The following TMEM108 variants were observed in gnomAD, a reference collection of about 807,000 sequenced individuals.
TMEM108 encodes transmembrane protein 108.
A neutral mutation model predicts 35.1 loss-of-function variants in TMEM108; 12 were observed. The observed-to-expected ratio is 0.34, with a 90% CI of 0.22 to 0.55. The LOEUF is 0.55. Among genes scored for constraint, TMEM108 ranks in the 20% least tolerant of loss-of-function variants. TMEM108 has a pLI of 0.89. For synonymous variants in TMEM108, 287 were observed against 308.6 expected (o/e 0.93, Z 0.73); for missense variants, 680 against 753.3 (o/e 0.90, Z 1.14).
Position 133,395,849 on chromosome 3 carries a change from CCT to C in TMEM108, c.1606-8_1606-7del. Reference sequence around the variant, plus strand: ...CTTCTCCAGCTCACTCCATCTCCTCCCTCTCTCTTCCCAGGACCAGCTCTCAG... The same window carrying C: ...CTTCTCCAGCTCACTCCATCTCCTCCCTCTCTTCCCAGGACCAGCTCTCAG... On this transcript the variant is annotated splice_polypyrimidine_tract_variant and intron_variant, in intron 5 of 5. Coordinates refer to ENST00000321871, the MANE Select transcript of TMEM108 (RefSeq NM_023943.4). The C allele has an allele frequency of 6.4e-7, 1 of 1,568,066 alleles. No individual in the cohort carries two copies. The highest frequency in any genetic ancestry group is 1.2e-5 in the South Asian group (1 of 82,986).
chr3:133,176,925 T>G (rs1327014340), intron 2 of TMEM108, among the ~76,000 whole-genome samples: 1 of 151,998 alleles, frequency 6.6e-6, no homozygotes, highest in Non-Finnish European at 1.5e-5. Context: ...CTAGCAAGAC[T>G]AATAAAGAAG....
chr3:133,266,155 C>CA (rs1173625378), intron 3 of TMEM108, among the ~76,000 whole-genome samples: 1 of 151,686 alleles, frequency 6.6e-6, no homozygotes, highest in Non-Finnish European at 1.5e-5. Context: ...ATTCTTCCTC[C>CA]ACCCAGCCTT....
intron 5 of TMEM108, among the ~76,000 whole-genome samples, 184 bp from the exon 6 acceptor site, chr3:133,395,680 C>G (rs1367256886): frequency 6.6e-6 from 1 of 152,126 alleles, no homozygotes; most frequent in Non-Finnish European, 1.5e-5. Context: ...TACACACACA[C>G]ACACAAATTA....
chr3:133,154,264 CT>C (rs1944844270), intron 2 of TMEM108, among the ~76,000 whole-genome samples: 2 of 151,918 alleles, frequency 1.3e-5, no homozygotes, highest in South Asian at 4.2e-4. Context: ...ATGGTGGTTT[CT>C]TTTGCTGTGC....
At chr3:133,176,708 G>C (rs1329049846) in intron 2 of TMEM108, among the ~76,000 whole-genome samples, 7 of 151,564 alleles carry the variant, frequency 4.6e-5, no homozygotes, top group Middle Eastern at 3.4e-3. Context: ...GCCCACAAGA[G>C]AAAGCAGGAA....
chr3:133,341,040 T>C lies in TMEM108; in HGVS notation c.41-38712T>C, dbSNP rs1045588479. ...CCCACTTCCACATTGTTATTCAACATAGCAGTGGAAGTCCTATCTAGAGCA... is the reference window on the plus strand; with the variant it reads ...CCCACTTCCACATTGTTATTCAACACAGCAGTGGAAGTCCTATCTAGAGCA... On this transcript the variant is annotated intron_variant, in intron 3 of 5. Coordinates refer to ENST00000321871, the MANE Select transcript of TMEM108 (RefSeq NM_023943.4). Among the ~76,000 whole-genome samples the C allele has an allele frequency of 3.3e-5, 5 of 151,910 alleles. No individual in the cohort carries two copies. The South Asian group carries it at 1.0e-3, about 32-fold the overall frequency.
chr3:133,351,126 A>G (rs538833291), intron 3 of TMEM108, among the ~76,000 whole-genome samples: 4 of 152,322 alleles, frequency 2.6e-5, no homozygotes, highest in Admixed American at 2.6e-4. Context: ...CTGTGGTCCT[A>G]GTGTGACCTT....
chr3:133,063,384 T>G (rs1943557712), intron 2 of TMEM108, among the ~76,000 whole-genome samples: 1 of 152,016 alleles, frequency 6.6e-6, no homozygotes, highest in Non-Finnish European at 1.5e-5. Flanking sequence ...GGAGGGACAG[T>G]GGTATAGATG....
intron 2 of TMEM108, among the ~76,000 whole-genome samples, chr3:133,128,850 T>C (rs891802198): frequency 1.3e-5 from 2 of 152,144 alleles, no homozygotes; most frequent in African/African-American, 2.4e-5. Context: ...AGGTTAAGCT[T>C]GAACCAAGTA....
At chr3:133,371,909 C>T (rs572013885) in intron 3 of TMEM108, among the ~76,000 whole-genome samples, 1 of 152,266 alleles carries the variant, frequency 6.6e-6, no homozygotes, top group East Asian at 1.9e-4. Flanking sequence ...GACAGGGAAA[C>T]AGACAAGACA....
At chr3:133,171,097 A>G (rs1039260288) in intron 2 of TMEM108, among the ~76,000 whole-genome samples, 2 of 152,118 alleles carry the variant, frequency 1.3e-5, no homozygotes, top group Admixed American at 1.3e-4. Context: ...TCTCTCTCTG[A>G]CATTTAGATA....
At chr3:133,270,856 C>T (rs1946761778) in intron 3 of TMEM108, among the ~76,000 whole-genome samples, 1 of 151,834 alleles carries the variant, frequency 6.6e-6, no homozygotes, top group Non-Finnish European at 1.5e-5. Flanking sequence ...CCTACCCCTC[C>T]AGGCTCACTA....
chr3:133,081,717 G>A (rs1943813570), intron 2 of TMEM108, among the ~76,000 whole-genome samples: 1 of 152,148 alleles, frequency 6.6e-6, no homozygotes, highest in African/African-American at 2.4e-5. Flanking sequence ...ACCAACATGG[G>A]ATTAGAAATG....
In TMEM108 at chr3:133,380,037, C is replaced by G. The variant is rs2072957876; in HGVS notation, c.326C>G (p.Ser109Cys). Reference sequence around the variant, plus strand: ...GCTGCGACAGTAACCGCCCCCCATTCTGAAAGCTCCCTGTCCACAGGGCCC... The same window carrying G: ...GCTGCGACAGTAACCGCCCCCCATTGTGAAAGCTCCCTGTCCACAGGGCCC... Reference protein sequence around the residue: ...TIAATVTAPHSESSLSTGPAP... With the variant: ...TIAATVTAPHCESSLSTGPAP... The change falls in exon 4 of 6, where the codon TCT becomes TGT. Residue 109 changes from serine (S) to cysteine (C), a missense_variant. By Grantham distance (112) the Ser-to-Cys change is moderately radical. Around this residue, in one of 3 missense-constraint regions of TMEM108, gnomAD observed 526 missense variants for 532.1 expected, o/e 0.99. Coordinates refer to ENST00000321871, the MANE Select transcript of TMEM108 (RefSeq NM_023943.4). The surrounding 1 kb of genome is among the most constrained non-coding windows in gnomAD (Gnocchi z 5.3). 6.2e-7 allele frequency: 1 copy of G among 1,614,022 alleles called. No homozygotes were observed. Among genetic ancestry groups the G allele is most frequent in the Non-Finnish European group, 8.5e-7 (1 of 1,179,986 alleles).
intron 3 of TMEM108, among the ~76,000 whole-genome samples, chr3:133,280,889 TG>T (rs780790577): frequency 6.6e-6 from 1 of 152,214 alleles, no homozygotes; most frequent in Non-Finnish European, 1.5e-5. Flanking sequence ...CTTATTCACG[TG>T]GAGGCTGAAC....
intron 2 of TMEM108, among the ~76,000 whole-genome samples, chr3:133,055,308 A>AT (rs1302513205): frequency 6.6e-6 from 1 of 152,216 alleles, no homozygotes; most frequent in Non-Finnish European, 1.5e-5. Context: ...ATTAACTCAA[A>AT]TTTGTGCATA....
intron 4 of TMEM108, among the ~76,000 whole-genome samples, chr3:133,382,425 G>A (rs58703696): frequency 0.017 from 2,538 of 152,236 alleles, 81 homozygotes; most frequent in African/African-American, 0.057. Context: ...GCTCAGCCCC[G>A]GCCCTTCAAG....
chr3:133,143,589 A>G (rs2107758470), intron 2 of TMEM108, among the ~76,000 whole-genome samples: 1 of 152,290 alleles, frequency 6.6e-6, no homozygotes, highest in South Asian at 2.1e-4. Context: ...AAGATGTCAT[A>G]ATTCTGTTTT....
At chr3:133,258,790 G>A (rs1051050476) in intron 3 of TMEM108, among the ~76,000 whole-genome samples, 3 of 152,146 alleles carry the variant, frequency 2.0e-5, no homozygotes, top group Non-Finnish European at 4.4e-5. Context: ...CATACCTCAT[G>A]GCCTGAAGAA....
Sources: gnomAD v4.1 joint callset for allele counts (sites outside exome capture counted in the v4.1 genomes callset) on GRCh38, gnomAD v4.1.1 for gene constraint, gnomAD v4.1.1 regional missense constraint, Gnocchi (gnomAD v3.1) non-coding constraint, MANE v1.5 for transcripts, NCBI Gene and HGNC (gene_info 2026-07-23, HGNC 2026-07-21) for gene names.